MYO9B: variants seen among roughly 807,000 people sequenced by gnomAD.
MYO9B encodes the protein unconventional myosin-IXb.
A neutral mutation model predicts 229.5 loss-of-function variants in MYO9B; 71 were observed. The ratio of observed to expected loss-of-function variants is 0.31; its 90% CI spans 0.26 to 0.38. MYO9B has a LOEUF of 0.38. MYO9B is among the 10% of genes least tolerant of loss of function. The probability of loss-of-function intolerance (pLI) is 1.00; values close to 1 mark genes in which losing one functional copy is unlikely to be tolerated. For synonymous variants in MYO9B, 1,185 were observed against 1,235.8 expected (o/e 0.96, Z 0.86); for missense variants, 2,255 against 2,920.5 (o/e 0.77, Z 5.25).
chr19:17,196,535 T>C (rs2073045032), intron 22 of MYO9B, among the ~76,000 whole-genome samples: 1 of 151,904 alleles, frequency 6.6e-6, no homozygotes, highest in Non-Finnish European at 1.5e-5. Flanking sequence ...ATACAAAAAT[T>C]AGCTGGGCGT....
chr19:17,123,299 C>A (rs2057982275), intron 2 of MYO9B, among the ~76,000 whole-genome samples: 1 of 152,136 alleles, frequency 6.6e-6, no homozygotes, highest in South Asian at 2.1e-4. Flanking sequence ...TAGTTCAGGC[C>A]TCTGCACATT....
intron 32 of MYO9B, 34 bp downstream of exon 32, chr19:17,206,186 G>A: frequency 6.2e-7 from 1 of 1,606,978 alleles, no homozygotes. Context: ...GCAGTGCCAG[G>A]CCCCAGGCAC....
chr19:17,137,994 T>C (rs1424895041), intron 2 of MYO9B, among the ~76,000 whole-genome samples: 1 of 151,992 alleles, frequency 6.6e-6, no homozygotes, highest in African/African-American at 2.4e-5. Context: ...GGTGGTTTGC[T>C]GCACCCATCA....
intron 26 of MYO9B, among the ~76,000 whole-genome samples, chr19:17,201,059 A>T (rs1436075822): frequency 2.6e-5 from 4 of 152,172 alleles, no homozygotes; most frequent in African/African-American, 7.2e-5. Context: ...GGCAACAGAG[A>T]GACCCCATCT....
intron 16 of MYO9B, 129 bp downstream of exon 16, chr19:17,183,997 A>C: frequency 1.1e-6 from 1 of 930,394 alleles, no homozygotes. Context: ...CTCCAAGAAA[A>C]AAAAAATGTT....
At chr19:17,167,316 A>G (rs1263511858) in intron 10 of MYO9B, among the ~76,000 whole-genome samples, 1 of 150,344 alleles carries the variant, frequency 6.7e-6, no homozygotes, top group Non-Finnish European at 1.5e-5. Flanking sequence ...TATTTTTTGC[A>G]CAGACAGGAT....
chr19:17,101,572 G>A lies in MYO9B; in HGVS notation c.-58-88G>A, dbSNP rs2057744713. The A allele has an allele frequency of 4.6e-6, 6 of 1,292,186 alleles. No individual in the cohort carries two copies. The highest frequency in any genetic ancestry group is 6.2e-6 in the Non-Finnish European group (6 of 970,804). The allele number at this position is 1,292,186 out of a possible 1,614,324, so 80.0% of individuals were successfully genotyped here. On this transcript the variant is annotated intron_variant, in intron 1 of 39. Transcript: ENST00000682292. This position sits in a 1 kb window ranked among gnomAD's most constrained non-coding sequence, Gnocchi z 4.7. ...GTGGGGAACTCCAGCATCGGGTCAG[G>A]TGCTATCTGCCCAGGAGTGGGACTC...
chr19:17,152,499 G>T (rs956890121), intron 3 of MYO9B, 145 bp from the exon 4 acceptor site: 2 of 595,376 alleles, frequency 3.4e-6, no homozygotes, highest in Non-Finnish European at 5.7e-6. Context: ...GGAGGCAGAG[G>T]TTGCAGTGAG....
intron 2 of MYO9B, among the ~76,000 whole-genome samples, chr19:17,103,053 C>CAAA (rs55897174): frequency 6.2e-4 from 57 of 92,164 alleles, no homozygotes; most frequent in Admixed American, 3.4e-4. Flanking sequence ...CCCCTCTCTA[C>CAAA]AAAAAAAAAA....
In MYO9B at chr19:17,211,650, G is replaced by C; in HGVS notation, c.5934G>C (p.Glu1978Asp). ...ERIQSIKEEK[E>D]DITYRLPELD... The stretch of plus-strand genomic sequence containing the variant: ...ACCACTACCCTTTTTCCTCCAGGGA[G>C]GACATCACCTACCGGCTGCCGGAGC... The change falls in exon 39 of 40, where the codon GAG becomes GAC. Residue 1978 changes from glutamate (E) to aspartate (D), a missense_variant. Glu to Asp is a conservative substitution (Grantham distance 45). This residue lies in a region of MYO9B where 331 missense variants were observed against 332.5 expected (regional missense o/e 1.00). Coordinates refer to ENST00000682292, the MANE Select transcript of MYO9B (RefSeq NM_004145.4). The C allele has an allele frequency of 6.2e-7, 1 of 1,602,026 alleles. No homozygotes were observed. Among genetic ancestry groups the C allele is most frequent in the Non-Finnish European group, 8.5e-7 (1 of 1,174,836 alleles).
At chr19:17,117,810 C>G (rs544378049) in intron 2 of MYO9B, among the ~76,000 whole-genome samples, 109 of 151,714 alleles carry the variant, frequency 7.2e-4, no homozygotes, top group South Asian at 1.0e-3. Flanking sequence ...TGGTGGCAGG[C>G]GCCTGTAATC....
chr19:17,201,863 C>T, intron 26 of MYO9B, 63 bp from the exon 27 acceptor site: 1 of 1,284,000 alleles, frequency 7.8e-7, no homozygotes, highest in Non-Finnish European at 1.1e-6. Flanking sequence ...CCCTTGGGCA[C>T]CTCCTCGGGT....
At chr19:17,211,262 T>G (rs1436307224) in intron 38 of MYO9B, among the ~76,000 whole-genome samples, 1 of 152,020 alleles carries the variant, frequency 6.6e-6, no homozygotes, top group African/African-American at 2.4e-5. Context: ...ATTACAGGCG[T>G]GAGCCACCGC....
intron 1 of MYO9B, among the ~76,000 whole-genome samples, chr19:17,087,264 G>T (rs980198314): frequency 6.6e-6 from 1 of 151,780 alleles, no homozygotes; most frequent in East Asian, 2.0e-4. Context: ...GCCAGAATGC[G>T]CTGAAAGAAC....
intron 14 of MYO9B, among the ~76,000 whole-genome samples, chr19:17,179,719 G>A (rs902515909): frequency 1.3e-5 from 2 of 151,280 alleles, no homozygotes; most frequent in African/African-American, 2.4e-5. Flanking sequence ...GAGCCACCGC[G>A]CCCAGCCTGT....
intron 1 of MYO9B, among the ~76,000 whole-genome samples, chr19:17,077,112 C>T (rs545112913): frequency 6.6e-4 from 100 of 152,248 alleles, no homozygotes; most frequent in Non-Finnish European, 1.2e-3. Context: ...CAGGAGCAGC[C>T]GGAGGTGACC....
chr19:17,196,297 C>T (rs888517008), intron 22 of MYO9B, among the ~76,000 whole-genome samples: 3 of 151,372 alleles, frequency 2.0e-5, no homozygotes, highest in Admixed American at 1.3e-4. Context: ...GGAAGATACA[C>T]ATGATGGATG....
intron 1 of MYO9B, among the ~76,000 whole-genome samples, chr19:17,079,579 C>T (rs894558972): frequency 6.6e-6 from 1 of 152,172 alleles, no homozygotes; most frequent in African/African-American, 2.4e-5. Flanking sequence ...TGGGCCCTTT[C>T]GCCCGCCCGT....
chr19:17,161,435 T>TA (rs1599381050), intron 8 of MYO9B, among the ~76,000 whole-genome samples: 2 of 152,108 alleles, frequency 1.3e-5, no homozygotes, highest in East Asian at 3.9e-4. Flanking sequence ...TCCCAACACT[T>TA]ACGGAGGCCA....
Sources: gnomAD v4.1 joint callset for allele counts (sites outside exome capture counted in the v4.1 genomes callset) on GRCh38, gnomAD v4.1.1 for gene constraint, gnomAD v4.1.1 regional missense constraint, Gnocchi (gnomAD v3.1) non-coding constraint, MANE v1.5 for transcripts, NCBI Gene and HGNC (gene_info 2026-07-23, HGNC 2026-07-21) for gene names.